The following TTLL11 variants were observed in gnomAD, a reference collection of about 807,000 sequenced individuals.
TTLL11 encodes the protein tubulin tyrosine ligase like 11.
TTLL11 carries 42 observed loss-of-function variants against 51.7 expected under a neutral mutation model. The observed-to-expected ratio is 0.81, with a 90% CI of 0.64 to 1.05. The LOEUF is 1.05. Among genes scored for constraint, TTLL11 ranks in the 50% least tolerant of loss-of-function variants. TTLL11 has a pLI of 0.00. For missense variants in TTLL11, 799 were observed against 940.4 expected (o/e 0.85, Z 1.97); for synonymous variants, 381 against 383.5 (o/e 0.99, Z 0.08).
chr9:121,986,499 C>T (rs1842945110), intron 4 of TTLL11, among the ~76,000 whole-genome samples: 1 of 152,150 alleles, frequency 6.6e-6, no homozygotes, highest in African/African-American at 2.4e-5. Flanking sequence ...TCTGGCCCTA[C>T]CTCTAAGTTC....
rs144616248 is a variant in TTLL11 at position 122,011,776 on chromosome 9, A to C, written c.693+19947T>G. On this transcript the variant is annotated intron_variant, in intron 3 of 8. Transcript: ENST00000321582. ...TCTTACAATTTATCAGTAAGTCCAA[A>C]ATTATGTCAAAATAAAAAGCTAAAA... Among the ~76,000 whole-genome samples the C allele has an allele frequency of 2.3e-3, 355 of 152,342 alleles. 2 individuals carry two copies. Among genetic ancestry groups the C allele is most frequent in the African/African-American group, 8.2e-3 (340 of 41,590 alleles).
Position 121,822,719 on chromosome 9 carries a change from C to T in TTLL11, c.2001G>A (p.Pro667=), listed in dbSNP as rs545750235. ...EKRLVCGRGV[P]SGGRPPHRGP... is the part of the protein sequence containing the mutation. ...CACGGTGTGGGGGCCGGCCCCCCGA[C>T]GGGACGCCCCGGCCACACACCAGGC... Residue 667 remains proline (P), a synonymous_variant, in exon 9 of 9, where the codon CCG becomes CCA. Coordinates refer to ENST00000321582, the MANE Select transcript of TTLL11 (RefSeq NM_001139442.2). This position sits in a 1 kb window ranked among gnomAD's most constrained non-coding sequence, Gnocchi z 5.8. The T allele has an allele frequency of 4.8e-5, 74 of 1,550,914 alleles. No individual in the cohort carries two copies. In the African/African-American group the frequency reaches 7.4e-4, roughly 15 times the overall value.
chr9:121,920,487 C>T (rs1397463002), intron 6 of TTLL11, among the ~76,000 whole-genome samples: 4 of 152,266 alleles, frequency 2.6e-5, no homozygotes, highest in African/African-American at 9.6e-5. Flanking sequence ...CGATGAAGGA[C>T]GTCACTAGGC....
chr9:121,941,609 C>T (rs995200909), intron 6 of TTLL11, among the ~76,000 whole-genome samples: 1 of 152,220 alleles, frequency 6.6e-6, no homozygotes, highest in African/African-American at 2.4e-5. Context: ...TTTCTCCCGC[C>T]TGCTGAGTAG....
chr9:121,945,379 A>G (rs1372119798), intron 6 of TTLL11, among the ~76,000 whole-genome samples: 1 of 152,234 alleles, frequency 6.6e-6, no homozygotes, highest in Non-Finnish European at 1.5e-5. Context: ...AAATTATGCA[A>G]ATGGCAAGGG....
intron 4 of TTLL11, among the ~76,000 whole-genome samples, chr9:121,978,115 C>T (rs1014498117): frequency 7.9e-5 from 12 of 152,246 alleles, no homozygotes; most frequent in African/African-American, 2.2e-4. Flanking sequence ...ATTTTTTGCA[C>T]AGTGCTTGAT....
rs890983286 is a variant in TTLL11, at chr9:122,035,861, T to C, written c.559+3411A>G. ...CCTTCAGGCTCTAACAATGCTGTAGTTGGGTTCCTACTCATCACCCCTCCC... is the reference window on the plus strand; with the variant it reads ...CCTTCAGGCTCTAACAATGCTGTAGCTGGGTTCCTACTCATCACCCCTCCC... On this transcript the variant is annotated intron_variant, in intron 2 of 8. Transcript: ENST00000321582. Among the ~76,000 whole-genome samples, 5 of 152,204 alleles carry C rather than the reference T, an allele frequency of 3.3e-5. No individual in the cohort carries two copies. In the South Asian group the frequency reaches 6.2e-4, roughly 19 times the overall value.
At position 122,093,241 on chromosome 9, in the gene TTLL11, C is replaced by A; in HGVS notation, c.-93G>T. Reference sequence around the variant, plus strand: ...GCCACCAAACTGCCGCCGCTGCAGCCGCTGCCACGCGTTCCCCGCCCGAGC... The same window carrying A: ...GCCACCAAACTGCCGCCGCTGCAGCAGCTGCCACGCGTTCCCCGCCCGAGC... On this transcript the variant is annotated 5_prime_UTR_variant, in exon 1 of 9. Transcript: ENST00000321582. The A allele has an allele frequency of 6.7e-7, 1 of 1,499,682 alleles. No homozygotes were observed. Among genetic ancestry groups the A allele is most frequent in the Non-Finnish European group, 8.8e-7 (1 of 1,136,402 alleles). The allele number at this position is 1,499,682 out of a possible 1,614,324, so 92.9% of individuals were successfully genotyped here.
At chr9:122,059,416 T>C (rs1376248236) in intron 1 of TTLL11, among the ~76,000 whole-genome samples, 2 of 152,090 alleles carry the variant, frequency 1.3e-5, no homozygotes, top group Admixed American at 1.3e-4. Flanking sequence ...ATTTAACAGA[T>C]GAGGAAACTG....
In TTLL11 at chr9:121,848,508, T is replaced by C. The variant is rs527858197; in HGVS notation, c.1840+11829A>G. Reference sequence around the variant, plus strand: ...TGTCAATGTAGAAAATCCCAATGAATTGACAAAGAAACCTCCTGAAGTAAC... The same window carrying C: ...TGTCAATGTAGAAAATCCCAATGAACTGACAAAGAAACCTCCTGAAGTAAC... On this transcript the variant is annotated intron_variant, in intron 8 of 8. Coordinates refer to ENST00000321582, the MANE Select transcript of TTLL11 (RefSeq NM_001139442.2). 8.3e-4 allele frequency among the ~76,000 whole-genome samples: 127 copies of C among 152,268 alleles called. 3 individuals are homozygous for C. Among genetic ancestry groups the C allele is most frequent in the African/African-American group, 2.7e-3 (112 of 41,562 alleles).
intron 6 of TTLL11, among the ~76,000 whole-genome samples, chr9:121,950,646 C>T (rs1229461419): frequency 3.3e-5 from 5 of 152,002 alleles, no homozygotes; most frequent in East Asian, 1.9e-4. Context: ...TGAACCGTAT[C>T]GAAAAATGTG....
intron 6 of TTLL11, among the ~76,000 whole-genome samples, chr9:121,971,609 C>T (rs1430647869): frequency 4.2e-5 from 6 of 143,138 alleles, no homozygotes; most frequent in East Asian, 4.0e-4. Context: ...ATGACAATGG[C>T]GGCTTTGTGG....
intron 4 of TTLL11, among the ~76,000 whole-genome samples, chr9:121,982,801 G>T (rs991137820): frequency 2.0e-5 from 3 of 152,048 alleles, no homozygotes; most frequent in African/African-American, 7.2e-5. Context: ...AAGAACAAAG[G>T]CCTCTTCCAA....
intron 6 of TTLL11, among the ~76,000 whole-genome samples, chr9:121,878,153 G>T (rs931866023): frequency 1.3e-5 from 2 of 152,178 alleles, no homozygotes; most frequent in Non-Finnish European, 2.9e-5. Flanking sequence ...CCCTGGCAAT[G>T]GAGAGAAGTT....
intron 6 of TTLL11, among the ~76,000 whole-genome samples, chr9:121,908,916 T>A (rs555456838): frequency 6.6e-6 from 1 of 152,368 alleles, no homozygotes; most frequent in South Asian, 2.1e-4. Context: ...AAGGTCATAT[T>A]CTGAGTTACT....
At chr9:121,895,515 G>C (rs1564292719) in intron 6 of TTLL11, among the ~76,000 whole-genome samples, 1 of 151,128 alleles carries the variant, frequency 6.6e-6, no homozygotes, top group East Asian at 2.0e-4. Flanking sequence ...TTTTGTGTTT[G>C]TATGACTGTG....
intron 6 of TTLL11, among the ~76,000 whole-genome samples, chr9:121,901,294 G>A (rs1382009510): frequency 2.0e-5 from 3 of 152,138 alleles, no homozygotes; most frequent in Admixed American, 2.0e-4. Context: ...GAGAGAAATA[G>A]TTTGACTTCT....
chr9:121,926,995 C>T (rs1840761089), intron 6 of TTLL11, among the ~76,000 whole-genome samples: 1 of 152,096 alleles, frequency 6.6e-6, no homozygotes, highest in African/African-American at 2.4e-5. Flanking sequence ...GCTCTCGGGC[C>T]CCTTTTATAA....
In TTLL11 at chr9:122,046,979, G is replaced by A. The variant is rs1007744139; in HGVS notation, c.463-7611C>T. On this transcript the variant is annotated intron_variant, in intron 1 of 8. Transcript: ENST00000321582. Reference sequence around the variant, plus strand: ...AACACAATGGGAAATGTCTGCCTTCGGAGTATATGGTCCATGGGGGAGAAG... The same window carrying A: ...AACACAATGGGAAATGTCTGCCTTCAGAGTATATGGTCCATGGGGGAGAAG... 5.9e-5 allele frequency among the ~76,000 whole-genome samples: 9 copies of A among 152,154 alleles called. 1 individual carries two copies. Among genetic ancestry groups the A allele is most frequent in the Non-Finnish European group, 8.8e-5 (6 of 68,034 alleles).
Sources: gnomAD v4.1 joint callset for allele counts (sites outside exome capture counted in the v4.1 genomes callset) on GRCh38, gnomAD v4.1.1 for gene constraint, Gnocchi (gnomAD v3.1) non-coding constraint, MANE v1.5 for transcripts, NCBI Gene and HGNC (gene_info 2026-07-23, HGNC 2026-07-21) for gene names.